Variants in WWOX observed in about 807,000 individuals in gnomAD.
WWOX encodes WW domain-containing oxidoreductase.
A neutral mutation model predicts 46.2 loss-of-function variants in WWOX; 69 were observed. The ratio of observed to expected loss-of-function variants is 1.49; its 90% confidence interval spans 1.23 to 1.82. The LOEUF (loss-of-function observed/expected upper bound fraction) is 1.82. Among genes scored for constraint, WWOX ranks in the 40% most tolerant of loss-of-function variants. The probability of loss-of-function intolerance (pLI) is 0.00; values close to 1 mark genes in which losing one functional copy is unlikely to be tolerated. For synonymous variants in WWOX, 359 were observed against 202.6 expected (o/e 1.77, Z -6.56); for missense variants, 919 against 542.6 (o/e 1.69, Z -6.89).
intron 8 of WWOX, among the ~76,000 whole-genome samples, chr16:79,127,531 G>A (rs2049783936): frequency 6.6e-6 from 1 of 152,176 alleles, no homozygotes; most frequent in African/African-American, 2.4e-5. Flanking sequence ...CATTTGGGTT[G>A]TTCCCAGCCT....
In WWOX at chr16:78,570,029, C is replaced by CT. The variant is rs1002115593; in HGVS notation, c.1056+137278dup. On this transcript the variant is annotated intron_variant, in intron 8 of 8. Coordinates refer to ENST00000566780, the MANE Select transcript of WWOX (RefSeq NM_016373.4). ...TATCGGAAAGATTAAAACTCTAAAA[C>CT]TAACAGGTGGATATAAATATAAAGA... 1.3e-5 allele frequency among the ~76,000 whole-genome samples: 2 copies of CT among 152,154 alleles called. 1 individual carries two copies. The highest frequency in any genetic ancestry group is 1.3e-4 in the Admixed American group (2 of 15,276).
At chr16:78,838,542 TA>T (rs1380783368) in intron 8 of WWOX, among the ~76,000 whole-genome samples, 1 of 152,128 alleles carries the variant, frequency 6.6e-6, no homozygotes, top group Non-Finnish European at 1.5e-5. Context: ...TAGAAAATTA[TA>T]AAAATAGAAA....
At chr16:78,191,256 C>G (rs2035874776) in intron 5 of WWOX, among the ~76,000 whole-genome samples, 1 of 152,178 alleles carries the variant, frequency 6.6e-6, no homozygotes, top group South Asian at 2.1e-4. Flanking sequence ...GCTCCTCCAC[C>G]TGGGCACCCA....
rs563682281 is a variant in WWOX, at chr16:79,061,545, G to A, written c.1057-150063G>A. ...AATTAGAAGCTGCTGATTTCTGGACGAGAGTTAGTTTATTTAGAAAGTAAC... is the reference window on the plus strand; with the variant it reads ...AATTAGAAGCTGCTGATTTCTGGACAAGAGTTAGTTTATTTAGAAAGTAAC... On this transcript the variant is annotated intron_variant, in intron 8 of 8. Transcript: ENST00000566780. Among the ~76,000 whole-genome samples the A allele has an allele frequency of 5.9e-5, 9 of 152,304 alleles. No homozygotes were observed. The East Asian group carries it at 9.7e-4, about 16-fold the overall frequency.
intron 8 of WWOX, among the ~76,000 whole-genome samples, chr16:78,547,740 C>A (rs1283753257): frequency 6.6e-6 from 1 of 152,084 alleles, no homozygotes; most frequent in East Asian, 1.9e-4. Flanking sequence ...GTGGGAGGGG[C>A]AAAGGGTCTC....
At chr16:78,851,336 A>C (rs1597720589) in intron 8 of WWOX, among the ~76,000 whole-genome samples, 1 of 152,334 alleles carries the variant, frequency 6.6e-6, no homozygotes, top group East Asian at 1.9e-4. Context: ...TCTGAGTAGG[A>C]AGAGAGGATG....
In WWOX at chr16:78,388,707, C is replaced by T. The variant is rs111478177; in HGVS notation, c.605+1759C>T. Among the ~76,000 whole-genome samples the T allele has an allele frequency of 2.6e-3, 372 of 143,572 alleles. 3 individuals carry two copies. Among genetic ancestry groups the T allele is most frequent in the African/African-American group, 9.4e-3 (361 of 38,578 alleles). The allele number at this position is 143,572 out of a possible 152,430, so 94.2% of individuals were successfully genotyped here. A position where few individuals can be genotyped will look rare whatever the true frequency, so the allele number is the denominator to read the frequency against. On this transcript the variant is annotated intron_variant, in intron 6 of 8. Coordinates refer to ENST00000566780, the MANE Select transcript of WWOX (RefSeq NM_016373.4). Reference sequence around the variant, plus strand: ...GTACTCAGCCTGGCGTGGTGGCTCACGCCTGTAATCCCAGCACTTTGTGAG... The same window carrying T: ...GTACTCAGCCTGGCGTGGTGGCTCATGCCTGTAATCCCAGCACTTTGTGAG...
chr16:78,675,014 G>C (rs528712231), intron 8 of WWOX, among the ~76,000 whole-genome samples: 1 of 152,098 alleles, frequency 6.6e-6, no homozygotes, highest in East Asian at 1.9e-4. Flanking sequence ...TTAAATATTT[G>C]TGTTAATATT....
intron 8 of WWOX, among the ~76,000 whole-genome samples, chr16:78,975,029 G>C (rs1462404112): frequency 6.6e-6 from 1 of 152,148 alleles, no homozygotes; most frequent in Non-Finnish European, 1.5e-5. Flanking sequence ...ACCGTTGTTG[G>C]ATGTGAAAAG....
At chr16:78,389,781 C>G (rs188214986) in intron 6 of WWOX, among the ~76,000 whole-genome samples, 3 of 152,148 alleles carry the variant, frequency 2.0e-5, no homozygotes, top group Non-Finnish European at 2.9e-5. Context: ...GACAGGGTCT[C>G]GCTGTGTTGC....
chr16:78,543,017 C>G (rs550064477), intron 8 of WWOX, among the ~76,000 whole-genome samples: 54 of 152,274 alleles, frequency 3.5e-4, no homozygotes, highest in African/African-American at 9.6e-4. Context: ...GTGTATATGT[C>G]CAGAAGGGGA....
intron 8 of WWOX, among the ~76,000 whole-genome samples, chr16:78,606,529 C>T (rs866003096): frequency 6.6e-6 from 1 of 152,022 alleles, no homozygotes; most frequent in Non-Finnish European, 1.5e-5. Flanking sequence ...ATATGAGCCC[C>T]TCTGAACAAA....
intron 5 of WWOX, among the ~76,000 whole-genome samples, chr16:78,347,265 C>G (rs1239479398): frequency 8.7e-6 from 1 of 115,082 alleles, no homozygotes; most frequent in African/African-American, 3.0e-5. Context: ...GTTGTTGACC[C>G]TTTCTCCCTC....
chr16:78,817,882 G>T (rs1013127137), intron 8 of WWOX, among the ~76,000 whole-genome samples: 3 of 152,264 alleles, frequency 2.0e-5, no homozygotes, highest in Admixed American at 1.3e-4. Flanking sequence ...ATTTTCTTTA[G>T]AAATGAGAAA....
intron 5 of WWOX, among the ~76,000 whole-genome samples, chr16:78,205,854 T>G (rs573185635): frequency 6.6e-6 from 1 of 151,614 alleles, no homozygotes; most frequent in African/African-American, 2.4e-5. Context: ...CCGTCCTTCC[T>G]TCCTTCCTTC....
intron 8 of WWOX, among the ~76,000 whole-genome samples, chr16:79,111,724 T>A (rs2049420264): frequency 6.6e-6 from 1 of 151,694 alleles, no homozygotes; most frequent in Non-Finnish European, 1.5e-5. Flanking sequence ...GATCAGGAGG[T>A]CACAGTGACA....
rs192401827 is a variant in WWOX, at chr16:78,394,325, C to G, written c.605+7377C>G. On this transcript the variant is annotated intron_variant, in intron 6 of 8. Coordinates refer to ENST00000566780, the MANE Select transcript of WWOX (RefSeq NM_016373.4). ...TTTTGCTCTAATGAATGCTCTAAAT[C>G]TAGCTCTTAATTATGATTTTTTAAG... is the stretch of plus-strand genomic sequence containing the variant. 1.6e-3 allele frequency among the ~76,000 whole-genome samples: 248 copies of G among 152,244 alleles called. 1 individual carries two copies. Among genetic ancestry groups the G allele is most frequent in the Non-Finnish European group, 2.9e-3 (195 of 68,016 alleles).
intron 8 of WWOX, among the ~76,000 whole-genome samples, chr16:78,576,099 G>A (rs1377104182): frequency 6.6e-6 from 1 of 152,076 alleles, no homozygotes; most frequent in Non-Finnish European, 1.5e-5. Flanking sequence ...AATGTTGTCT[G>A]ACAGTTTCCC....
intron 8 of WWOX, among the ~76,000 whole-genome samples, chr16:79,176,944 C>T (rs1265611997): frequency 2.6e-5 from 4 of 152,164 alleles, no homozygotes; most frequent in Non-Finnish European, 5.9e-5. Flanking sequence ...TCCCTCTCAT[C>T]AGTTTCCACC....
Sources: gnomAD v4.1 joint callset for allele counts (sites outside exome capture counted in the v4.1 genomes callset) on GRCh38, gnomAD v4.1.1 for gene constraint, MANE v1.5 for transcripts, NCBI Gene and HGNC (gene_info 2026-07-23, HGNC 2026-07-21) for gene names.